Variants in EPHA3 observed in about 807,000 individuals in gnomAD.
EPHA3 encodes the protein ephrin type-A receptor 3.
Under a neutral mutation model 107.1 loss-of-function variants are expected in EPHA3, and 42 were observed. The ratio of observed to expected loss-of-function variants is 0.39; its 90% CI spans 0.31 to 0.51. EPHA3 has a LOEUF of 0.51. Among genes scored for constraint, EPHA3 ranks in the 20% least tolerant of loss-of-function variants. The probability of loss-of-function intolerance (pLI) is 0.78; values close to 1 mark genes in which losing one functional copy is unlikely to be tolerated. For missense variants in EPHA3, 1,183 were observed against 1,211.2 expected (o/e 0.98, Z 0.35); for synonymous variants, 461 against 424.8 (o/e 1.09, Z -1.05).
intron 1 of EPHA3, among the ~76,000 whole-genome samples, chr3:89,110,478 T>C (rs1163890581): frequency 6.6e-6 from 1 of 151,962 alleles, no homozygotes; most frequent in African/African-American, 2.4e-5. Flanking sequence ...TTTACAAATA[T>C]CTCTCTTATA....
chr3:89,107,850 C>T lies in EPHA3; in HGVS notation c.88+14C>T, dbSNP rs1043204519. 1.9e-6 allele frequency: 3 copies of T among 1,612,524 alleles called. No homozygotes were observed. The highest frequency in any genetic ancestry group is 1.7e-5 in the Admixed American group (1 of 59,994). On this transcript the variant is annotated intron_variant, in intron 1 of 16. Coordinates refer to ENST00000336596, the MANE Select transcript of EPHA3 (RefSeq NM_005233.6). Reference sequence around the variant, plus strand: ...CTTCCAATGAAGGTAAGCCAGGTACCGCGACGCACGGAGCTCTGCCCCGCG... The same window carrying T: ...CTTCCAATGAAGGTAAGCCAGGTACTGCGACGCACGGAGCTCTGCCCCGCG...
At position 89,399,483 on chromosome 3, in the gene EPHA3, A is replaced by G. The variant is rs1708914690; in HGVS notation, c.1594+3A>G. ...TGAGTTTGAAACTAGTCCAGACTGT[A>G]TGTATTATTTCAATGCAGTCTAGAG... On this transcript the variant is annotated splice_donor_region_variant and intron_variant, in intron 7 of 16. Transcript: ENST00000336596. 6.2e-7 allele frequency: 1 copy of G among 1,614,058 alleles called. No homozygotes were observed. Among genetic ancestry groups the G allele is most frequent in the Non-Finnish European group, 8.5e-7 (1 of 1,179,958 alleles).
intron 2 of EPHA3, among the ~76,000 whole-genome samples, chr3:89,165,139 C>A (rs1705034772): frequency 6.6e-6 from 1 of 152,132 alleles, no homozygotes; most frequent in South Asian, 2.1e-4. Context: ...TCTAATGCAA[C>A]AACATTCTAG....
chr3:89,412,112 T>C (rs1709166742), intron 9 of EPHA3, among the ~76,000 whole-genome samples: 1 of 151,848 alleles, frequency 6.6e-6, no homozygotes, highest in Non-Finnish European at 1.5e-5. Context: ...CATATTTATA[T>C]AGTTTAGTAG....
Position 89,356,066 on chromosome 3 carries a change from G to A in EPHA3, c.1306+13976G>A, listed in dbSNP as rs1317866259. The stretch of plus-strand genomic sequence containing the variant: ...TTCTCATTGTTCAATTCTCACCTAT[G>A]AGTGAGAATATACAGTGTTTGGTTT... On this transcript the variant is annotated intron_variant, in intron 5 of 16. Coordinates refer to ENST00000336596, the MANE Select transcript of EPHA3 (RefSeq NM_005233.6). Among the ~76,000 whole-genome samples the A allele has an allele frequency of 2.5e-4, 34 of 137,532 alleles. 4 individuals are homozygous for A. Among genetic ancestry groups the A allele is most frequent in the Non-Finnish European group, 4.7e-4 (31 of 65,392 alleles). The allele number at this position is 137,532 out of a possible 152,430, so 90.2% of individuals were successfully genotyped here.
At chr3:89,418,807 C>G (rs1709299732) in intron 10 of EPHA3, among the ~76,000 whole-genome samples, 1 of 151,358 alleles carries the variant, frequency 6.6e-6, no homozygotes, top group African/African-American at 2.4e-5. Flanking sequence ...GTTAAAATAT[C>G]TGAAATTTAA....
intron 10 of EPHA3, among the ~76,000 whole-genome samples, chr3:89,414,278 A>G (rs1339390633): frequency 6.6e-6 from 1 of 151,730 alleles, no homozygotes; most frequent in Admixed American, 6.6e-5. Context: ...ATGTTAATTT[A>G]CTAGAGCTTC....
chr3:89,295,554 T>G (rs975623185), intron 3 of EPHA3, among the ~76,000 whole-genome samples: 13 of 152,254 alleles, frequency 8.5e-5, no homozygotes, highest in African/African-American at 2.6e-4. Flanking sequence ...TCAACTAAGT[T>G]TGTGTAATAT....
chr3:89,475,934 G>A (rs1346304815), intron 16 of EPHA3, among the ~76,000 whole-genome samples: 1 of 151,916 alleles, frequency 6.6e-6, no homozygotes, highest in Non-Finnish European at 1.5e-5. Flanking sequence ...TGGACATGCA[G>A]AGTAGTGGAC....
At chr3:89,413,378 C>T (rs1308421114) in intron 10 of EPHA3, 112 bp downstream of exon 10, 2 of 1,347,356 alleles carry the variant, frequency 1.5e-6, no homozygotes, top group Non-Finnish European at 2.1e-6. Flanking sequence ...ATTTCATGAT[C>T]AAAGGCAAGT....
At chr3:89,139,832 C>G (rs899609397) in intron 2 of EPHA3, among the ~76,000 whole-genome samples, 1 of 151,432 alleles carries the variant, frequency 6.6e-6, no homozygotes, top group African/African-American at 2.4e-5. Flanking sequence ...TGCACAGTGA[C>G]AAAGAAGGAT....
At position 89,367,050 on chromosome 3, in the gene EPHA3, C is replaced by T. The variant is rs926218357; in HGVS notation, c.1306+24960C>T. Among the ~76,000 whole-genome samples the T allele has an allele frequency of 2.7e-5, 4 of 150,520 alleles. 1 individual carries two copies. Among genetic ancestry groups the T allele is most frequent in the African/African-American group, 9.7e-5 (4 of 41,280 alleles). On this transcript the variant is annotated intron_variant, in intron 5 of 16. Coordinates refer to ENST00000336596, the MANE Select transcript of EPHA3 (RefSeq NM_005233.6). ...CTCATCTTGATTATTACAGTAGCCA[C>T]TAGTCTGCAGTTGCGTTTCCACCTC...
At chr3:89,222,214 CT>C (rs1192910855) in intron 3 of EPHA3, among the ~76,000 whole-genome samples, 1 of 151,690 alleles carries the variant, frequency 6.6e-6, no homozygotes, top group African/African-American at 2.4e-5. Flanking sequence ...GCACAATATG[CT>C]TCATTATTAG....
intron 3 of EPHA3, among the ~76,000 whole-genome samples, chr3:89,313,050 G>A (rs1706804337): frequency 6.6e-6 from 1 of 151,912 alleles, no homozygotes; most frequent in Non-Finnish European, 1.5e-5. Flanking sequence ...GAACGTATGT[G>A]TGCATGTGTC....
intron 13 of EPHA3, among the ~76,000 whole-genome samples, chr3:89,433,722 A>C (rs1190762479): frequency 6.6e-6 from 1 of 152,166 alleles, no homozygotes; most frequent in Non-Finnish European, 1.5e-5. Context: ...ATTAAGACAA[A>C]TTTCTTATCT....
intron 3 of EPHA3, among the ~76,000 whole-genome samples, chr3:89,231,827 C>A (rs1704641455): frequency 6.6e-6 from 1 of 151,890 alleles, no homozygotes; most frequent in Non-Finnish European, 1.5e-5. Context: ...AAATGATGAC[C>A]CAAAGATCCA....
At position 89,312,296 on chromosome 3, in the gene EPHA3, T is replaced by A. The variant is rs139875294; in HGVS notation, c.815-28620T>A. Among the ~76,000 whole-genome samples, 10 of 151,972 alleles carry A rather than the reference T, an allele frequency of 6.6e-5. No individual in the cohort carries two copies. The East Asian group carries it at 1.9e-3, about 29-fold the overall frequency. ...AATTCCATGCATTTCAAGAAAACTC[T>A]GAAGTTGGGGAAGACGTTTTTTAGA... is the stretch of plus-strand genomic sequence containing the variant. On this transcript the variant is annotated intron_variant, in intron 3 of 16. Transcript: ENST00000336596.
chr3:89,267,618 C>G (rs1292372525), intron 3 of EPHA3, among the ~76,000 whole-genome samples: 1 of 152,066 alleles, frequency 6.6e-6, no homozygotes, highest in East Asian at 1.9e-4. Flanking sequence ...AAGGTAACGT[C>G]TTGGCAAGGA....
At chr3:89,114,002 T>A (rs1455774761) in intron 1 of EPHA3, among the ~76,000 whole-genome samples, 1 of 152,064 alleles carries the variant, frequency 6.6e-6, no homozygotes, top group Non-Finnish European at 1.5e-5. Flanking sequence ...ATTTTCTAAA[T>A]CATGTCCCGC....
Sources: allele counts gnomAD v4.1 joint callset (sites outside exome capture counted in the v4.1 genomes callset), GRCh38; gene constraint gnomAD v4.1.1; transcripts MANE v1.5; gene names NCBI Gene and HGNC (gene_info 2026-07-23, HGNC 2026-07-21).